Variants in TRHR observed in about 807,000 individuals in gnomAD.
TRHR encodes the protein thyrotropin-releasing hormone receptor.
TRHR carries 14 observed loss-of-function variants against 28.0 expected under a neutral mutation model. The observed-to-expected ratio is 0.50, with a 90% confidence interval of 0.33 to 0.78. The LOEUF (loss-of-function observed/expected upper bound fraction) is 0.78. TRHR is among the 30% of genes least tolerant of loss of function. The pLI is 0.02. For missense variants in TRHR, 438 were observed against 469.5 expected (o/e 0.93, Z 0.62); for synonymous variants, 176 against 171.9 (o/e 1.02, Z -0.18).
intron 2 of TRHR, among the ~76,000 whole-genome samples, chr8:109,110,043 T>A (rs1811807037): frequency 6.6e-6 from 1 of 152,210 alleles, no homozygotes; most frequent in Non-Finnish European, 1.5e-5. Flanking sequence ...ATCCGCCTAA[T>A]GACAGCGTCA....
At chr8:109,099,956 T>C (rs973296833) in intron 2 of TRHR, among the ~76,000 whole-genome samples, 1 of 152,104 alleles carries the variant, frequency 6.6e-6, no homozygotes, top group African/African-American at 2.4e-5. Flanking sequence ...AGGAAGTGGC[T>C]CAGTGAGAGA....
chr8:109,098,360 G>A (rs1811626548), intron 2 of TRHR, among the ~76,000 whole-genome samples: 1 of 151,726 alleles, frequency 6.6e-6, no homozygotes, highest in Non-Finnish European at 1.5e-5. Context: ...TCAAACTCCT[G>A]GGCTCAAGGG....
chr8:109,105,343 G>A (rs368299196), intron 2 of TRHR, among the ~76,000 whole-genome samples: 1 of 152,110 alleles, frequency 6.6e-6, no homozygotes, highest in East Asian at 1.9e-4. Context: ...TCAGAAATGA[G>A]GTGCAGAGAT....
intron 2 of TRHR, among the ~76,000 whole-genome samples, chr8:109,092,681 C>T (rs1586185068): frequency 2.0e-5 from 3 of 152,168 alleles, no homozygotes; most frequent in East Asian, 3.9e-4. Context: ...TCAGGTGATA[C>T]GCTAGTCTCG....
intron 2 of TRHR, among the ~76,000 whole-genome samples, chr8:109,115,597 T>C (rs1399195268): frequency 1.3e-5 from 2 of 151,962 alleles, no homozygotes; most frequent in Non-Finnish European, 2.9e-5. Context: ...TCACTCATGA[T>C]TTGGCTGTTT....
At chr8:109,112,745 G>A (rs898287011) in intron 2 of TRHR, among the ~76,000 whole-genome samples, 38 of 152,280 alleles carry the variant, frequency 2.5e-4, no homozygotes, top group African/African-American at 7.2e-4. Context: ...TTGATTTTGT[G>A]TGATTATCTG....
intron 2 of TRHR, among the ~76,000 whole-genome samples, chr8:109,110,581 A>G (rs1443455007): frequency 2.0e-5 from 3 of 152,194 alleles, no homozygotes; most frequent in East Asian, 3.9e-4. Context: ...TGAATGAAAC[A>G]TTTAGGTTCA....
At chr8:109,093,846 C>T (rs993257829) in intron 2 of TRHR, among the ~76,000 whole-genome samples, 13 of 148,960 alleles carry the variant, frequency 8.7e-5, no homozygotes, top group Admixed American at 7.9e-4. Flanking sequence ...TGCTTTCCCT[C>T]CAACTCATTT....
chr8:109,112,765 T>C (rs1811854452), intron 2 of TRHR, among the ~76,000 whole-genome samples: 1 of 152,168 alleles, frequency 6.6e-6, no homozygotes, highest in Non-Finnish European at 1.5e-5. Context: ...GGAAAGAAAA[T>C]GAGAGCTAGA....
chr8:109,095,897 C>T (rs544520032), intron 2 of TRHR, among the ~76,000 whole-genome samples: 2 of 151,992 alleles, frequency 1.3e-5, no homozygotes, highest in Admixed American at 1.3e-4. Context: ...TCCTGCTGAC[C>T]TACTTCTCCA....
intron 2 of TRHR, among the ~76,000 whole-genome samples, chr8:109,103,226 A>AATG (rs1811703689): frequency 6.6e-6 from 1 of 152,160 alleles, no homozygotes; most frequent in South Asian, 2.1e-4. Flanking sequence ...TCTTTCCTTT[A>AATG]TCAGCATTCC....
intron 2 of TRHR, among the ~76,000 whole-genome samples, chr8:109,117,343 C>T (rs1237153011): frequency 1.3e-5 from 2 of 151,780 alleles, no homozygotes; most frequent in African/African-American, 4.8e-5. Context: ...TTACCTAAAC[C>T]TCAATTTCTT....
chr8:109,112,696 T>C (rs78903012), intron 2 of TRHR, among the ~76,000 whole-genome samples: 11,152 of 152,230 alleles, frequency 0.073, 552 homozygotes, highest in Middle Eastern at 0.15. Context: ...TCATAAGCAA[T>C]ATTTACAGTG....
At chr8:109,095,985 C>T (rs567208702) in intron 2 of TRHR, among the ~76,000 whole-genome samples, 24 of 152,140 alleles carry the variant, frequency 1.6e-4, no homozygotes, top group Non-Finnish European at 3.2e-4. Context: ...CTCTGGCTCC[C>T]ATGGCACTCT....
At chr8:109,090,854 C>G (rs1048047995) in intron 2 of TRHR, among the ~76,000 whole-genome samples, 1 of 151,956 alleles carries the variant, frequency 6.6e-6, no homozygotes, top group East Asian at 1.9e-4. Flanking sequence ...TGTGATGGAG[C>G]GACTTAGTTG....
rs1811975039 is a variant in TRHR, at chr8:109,119,556, A to C, written c.*101A>C. On this transcript the variant is annotated 3_prime_UTR_variant, in exon 3 of 3. Transcript: ENST00000518632. ...CAATAGTCATATGTGAAGACAGAGC[A>C]GATCAGTCTTTGTCAATGCTCTAAC... 1.4e-6 allele frequency: 2 copies of C among 1,406,864 alleles called. No homozygotes were observed. The highest frequency in any genetic ancestry group is 1.4e-5 in the African/African-American group (1 of 70,808). The allele number at this position is 1,406,864 out of a possible 1,614,324, so 87.1% of individuals were successfully genotyped here.
chr8:109,102,436 G>C (rs1378407384), intron 2 of TRHR, among the ~76,000 whole-genome samples: 1 of 152,132 alleles, frequency 6.6e-6, no homozygotes, highest in African/African-American at 2.4e-5. Flanking sequence ...CTAATTCACT[G>C]ATCTGTCTGC....
At chr8:109,096,800 TA>T (rs899756304) in intron 2 of TRHR, among the ~76,000 whole-genome samples, 9 of 152,090 alleles carry the variant, frequency 5.9e-5, no homozygotes, top group Middle Eastern at 3.4e-3. Flanking sequence ...TATATATATA[TA>T]AAAAAACATG....
intron 2 of TRHR, among the ~76,000 whole-genome samples, chr8:109,110,623 A>C (rs1283310089): frequency 6.6e-6 from 1 of 152,194 alleles, no homozygotes; most frequent in African/African-American, 2.4e-5. Flanking sequence ...GAACCTATGC[A>C]TTAGCATCCC....
Sources: allele counts gnomAD v4.1 joint callset (sites outside exome capture counted in the v4.1 genomes callset), GRCh38; gene constraint gnomAD v4.1.1; transcripts MANE v1.5; gene names NCBI Gene and HGNC (gene_info 2026-07-23, HGNC 2026-07-21).